SLC24A2: variants seen among roughly 807,000 people sequenced by gnomAD.
The protein encoded by SLC24A2 is sodium/potassium/calcium exchanger 2.
In SLC24A2, 36 loss-of-function variants were observed where a neutral mutation model predicts 62.0. The ratio of observed to expected loss-of-function variants is 0.58; its 90% CI spans 0.44 to 0.77. SLC24A2 has a LOEUF of 0.77. Among genes scored for constraint, SLC24A2 ranks in the 30% least tolerant of loss-of-function variants. The pLI, the probability that SLC24A2 is intolerant of heterozygous loss-of-function variation, is 0.00. For synonymous variants in SLC24A2, 358 were observed against 294.0 expected (o/e 1.22, Z -2.23); for missense variants, 846 against 817.9 (o/e 1.03, Z -0.42).
chr9:20,303,800 A>C, the SLC24A2 span, among the ~76,000 whole-genome samples: 261 of 152,316 alleles, frequency 1.7e-3, 2 homozygotes, highest in Middle Eastern at 0.017. Context: ...AAGTAGGGAC[A>C]ACCTAGCGGC....
At chr9:19,742,546 C>T (rs534812046) in intron 2 of SLC24A2, among the ~76,000 whole-genome samples, 1 of 152,146 alleles carries the variant, frequency 6.6e-6, no homozygotes, top group East Asian at 1.9e-4. Context: ...TCAATGAATC[C>T]CCCATACCTG....
At chr9:20,293,988 T>C in the SLC24A2 span, among the ~76,000 whole-genome samples, 1 of 152,118 alleles carries the variant, frequency 6.6e-6, no homozygotes, top group Non-Finnish European at 1.5e-5. Context: ...CGTGTATCTC[T>C]GGCCAGCCCA....
the SLC24A2 span, among the ~76,000 whole-genome samples, chr9:19,882,771 T>C: frequency 6.6e-6 from 1 of 152,034 alleles, no homozygotes; most frequent in Non-Finnish European, 1.5e-5. Flanking sequence ...AGAATTTAGC[T>C]CAATGATTCA....
chr9:20,155,564 T>A, the SLC24A2 span, among the ~76,000 whole-genome samples: 5 of 151,980 alleles, frequency 3.3e-5, no homozygotes, highest in East Asian at 9.7e-4. Context: ...TGAATATTTA[T>A]GTTTTCCTGC....
At chr9:20,155,897 CTGCTT>C in the SLC24A2 span, among the ~76,000 whole-genome samples, 1 of 151,748 alleles carries the variant, frequency 6.6e-6, no homozygotes, top group African/African-American at 2.4e-5. Context: ...AAATTACTAT[CTGCTT>C]TGTTTGGCTT....
chr9:19,897,342 T>C, the SLC24A2 span, among the ~76,000 whole-genome samples: 1 of 152,200 alleles, frequency 6.6e-6, no homozygotes, highest in Non-Finnish European at 1.5e-5. Context: ...AAAATTTTTA[T>C]CTTCCCAAAA....
the SLC24A2 span, among the ~76,000 whole-genome samples, chr9:20,231,858 A>G: frequency 6.6e-6 from 1 of 152,086 alleles, no homozygotes; most frequent in South Asian, 2.1e-4. Context: ...TCAGTATGAT[A>G]TTGGCTGTGG....
the SLC24A2 span, among the ~76,000 whole-genome samples, chr9:20,057,162 T>C: frequency 9.9e-5 from 15 of 152,218 alleles, no homozygotes; most frequent in Admixed American, 9.2e-4. Context: ...GGCCAGAAGA[T>C]TCATATTCTC....
chr9:20,104,832 C>G, the SLC24A2 span, among the ~76,000 whole-genome samples: 6 of 152,188 alleles, frequency 3.9e-5, no homozygotes, highest in African/African-American at 1.2e-4. Context: ...ATGACAGGAT[C>G]AAACTCACAC....
the SLC24A2 span, among the ~76,000 whole-genome samples, chr9:20,263,001 A>C: frequency 3.9e-5 from 6 of 152,214 alleles, no homozygotes; most frequent in African/African-American, 1.4e-4. Context: ...AGAAGAAATA[A>C]ATCAGGGTGG....
At chr9:19,543,015 C>T (rs553360576) in intron 8 of SLC24A2, among the ~76,000 whole-genome samples, 2 of 152,126 alleles carry the variant, frequency 1.3e-5, no homozygotes, top group African/African-American at 2.4e-5. Context: ...GGAATGGTAC[C>T]AGCTCCTCTT....
chr9:20,279,259 G>A, the SLC24A2 span, among the ~76,000 whole-genome samples: 1 of 152,198 alleles, frequency 6.6e-6, no homozygotes, highest in Non-Finnish European at 1.5e-5. Flanking sequence ...GGCCAGACAT[G>A]GTGGCTCATG....
At chr9:20,003,969 AG>A in the SLC24A2 span, among the ~76,000 whole-genome samples, 2 of 151,846 alleles carry the variant, frequency 1.3e-5, no homozygotes, top group Non-Finnish European at 2.9e-5. Context: ...CTATGTGTAT[AG>A]AAAAATCTGG....
intron 8 of SLC24A2, among the ~76,000 whole-genome samples, chr9:19,546,099 C>T (rs1296403585): frequency 6.6e-6 from 1 of 152,220 alleles, no homozygotes; most frequent in Non-Finnish European, 1.5e-5. Context: ...GGGCACCTGC[C>T]AGATGCCAGC....
chr9:19,644,565 A>G (rs551582229), intron 2 of SLC24A2, among the ~76,000 whole-genome samples: 9 of 152,338 alleles, frequency 5.9e-5, no homozygotes, highest in South Asian at 4.2e-4. Flanking sequence ...CAGGCAGTCT[A>G]GATTCAAGGT....
At chr9:19,937,719 C>T in the SLC24A2 span, among the ~76,000 whole-genome samples, 8 of 152,248 alleles carry the variant, frequency 5.3e-5, no homozygotes, top group East Asian at 1.9e-4. Flanking sequence ...TCTATGCAAA[C>T]GAAGTGCTAT....
chr9:19,696,146 T>C (rs909041168), intron 2 of SLC24A2, among the ~76,000 whole-genome samples: 11 of 152,148 alleles, frequency 7.2e-5, no homozygotes, highest in Non-Finnish European at 1.6e-4. Context: ...GTGAGGGATC[T>C]AGGTTGTGTA....
the SLC24A2 span, among the ~76,000 whole-genome samples, chr9:20,206,683 T>C: frequency 6.6e-6 from 1 of 152,126 alleles, no homozygotes; most frequent in Admixed American, 6.5e-5. Flanking sequence ...GGTTTCACCA[T>C]GTTGGTCATG....
the SLC24A2 span, among the ~76,000 whole-genome samples, chr9:20,224,524 T>G: frequency 6.6e-6 from 1 of 152,156 alleles, no homozygotes; most frequent in Non-Finnish European, 1.5e-5. Context: ...TAAACTGCTT[T>G]AGGAGCCATT....
Sources: allele counts gnomAD v4.1 joint callset (sites outside exome capture counted in the v4.1 genomes callset), GRCh38; gene constraint gnomAD v4.1.1; transcripts MANE v1.5; gene names NCBI Gene and HGNC (gene_info 2026-07-23, HGNC 2026-07-21).